Variants in CFAP58 observed in about 807,000 individuals in gnomAD.
CFAP58 encodes the protein cilia- and flagella-associated protein 58.
In CFAP58, 88 loss-of-function variants were observed where a neutral mutation model predicts 119.5. The observed-to-expected ratio is 0.74, with a 90% CI of 0.62 to 0.88. The LOEUF (loss-of-function observed/expected upper bound fraction) is 0.88. CFAP58 is among the 40% of genes least tolerant of loss of function. The pLI, the probability that CFAP58 is intolerant of heterozygous loss-of-function variation, is 0.00. For missense variants in CFAP58, 990 were observed against 1,021.2 expected, an observed-to-expected ratio of 0.97 and a Z score of 0.42; for synonymous variants, 365 against 366.3, an observed-to-expected ratio of 1.00 and a Z score of 0.04.
rs558352798 is a variant in CFAP58 at position 104,443,270 on chromosome 10, A to C, written c.2257-4428A>C. Among the ~76,000 whole-genome samples, 4 of 152,362 alleles carry C rather than the reference A, an allele frequency of 2.6e-5. No individual in the cohort carries two copies. The East Asian group carries it at 7.7e-4, about 29-fold the overall frequency. ...AAGCAGTGGTTATTGAATAAAAAAA[A>C]TCAACATTATCTTGAACCCATTGGG... On this transcript the variant is annotated intron_variant, in intron 15 of 17. Transcript: ENST00000369704.
intron 15 of CFAP58, among the ~76,000 whole-genome samples, chr10:104,438,822 A>C (rs1179349559): frequency 6.6e-6 from 1 of 152,242 alleles, no homozygotes; most frequent in Non-Finnish European, 1.5e-5. Context: ...GGGAACATGC[A>C]CAAGAATGTT....
At chr10:104,379,368 T>C (rs2011735304) in intron 8 of CFAP58, among the ~76,000 whole-genome samples, 1 of 152,274 alleles carries the variant, frequency 6.6e-6, no homozygotes, top group South Asian at 2.1e-4. Flanking sequence ...GGCTGAATGC[T>C]ATTCCACTGT....
chr10:104,381,160 AACAAACAAACAAACAG>A (rs1422449488), intron 9 of CFAP58, among the ~76,000 whole-genome samples: 2 of 152,100 alleles, frequency 1.3e-5, no homozygotes, highest in Non-Finnish European at 1.5e-5. Context: ...AAAACAAACA[AACAAACAAACAAACAG>A]ACAAACAAAC....
At chr10:104,425,219 T>C (rs1320314448) in intron 15 of CFAP58, among the ~76,000 whole-genome samples, 1 of 152,094 alleles carries the variant, frequency 6.6e-6, no homozygotes, top group Admixed American at 6.5e-5. Flanking sequence ...GGCAGAATAA[T>C]AGAATGCTTT....
intron 16 of CFAP58, among the ~76,000 whole-genome samples, chr10:104,448,623 A>G (rs2013147139): frequency 6.6e-6 from 1 of 152,178 alleles, no homozygotes; most frequent in South Asian, 2.1e-4. Context: ...GGTAAAATAT[A>G]TGCCACCCTA....
the CFAP58 span, among the ~76,000 whole-genome samples, chr10:104,339,183 C>A: frequency 2.0e-5 from 3 of 152,212 alleles, no homozygotes; most frequent in Non-Finnish European, 1.5e-5. Context: ...AGCCACCGCG[C>A]CCGACTTTTA....
At position 104,407,657 on chromosome 10, in the gene CFAP58, G is replaced by A. The variant is rs72825890; in HGVS notation, c.2256+864G>A. ...GTAACATGGTGTCTAATAAATATTAGCAATTATTCATGTTACTTTGGATTC... is the reference window on the plus strand; with the variant it reads ...GTAACATGGTGTCTAATAAATATTAACAATTATTCATGTTACTTTGGATTC... On this transcript the variant is annotated intron_variant, in intron 15 of 17. Transcript: ENST00000369704. Among the ~76,000 whole-genome samples the A allele has an allele frequency of 3.9e-3, 587 of 152,208 alleles. 2 individuals are homozygous for A. The highest frequency in any genetic ancestry group is 6.1e-3 in the Non-Finnish European group (415 of 67,996).
Position 104,358,372 on chromosome 10 carries a change from C to T in CFAP58, c.41C>T (p.Ser14Phe). The T allele has an allele frequency of 1.2e-6, 2 of 1,613,320 alleles. No homozygotes were observed. The highest frequency in any genetic ancestry group is 1.7e-6 in the Non-Finnish European group (2 of 1,179,612). Residue 14 changes from serine to phenylalanine, a missense_variant, in exon 2 of 18, where the codon TCT becomes TTT. Physicochemically the swap from Ser to Phe is radical, Grantham distance 155 (BLOSUM62 -2). Transcript: ENST00000369704. ...EKGGKQVLEE[S>F]AFEEMERDFQ... ...GGTGGAAAGCAAGTCCTGGAAGAAT[C>T]TGCATTTGAAGAAATGGAAAGAGAT... is the stretch of plus-strand genomic sequence containing the variant.
intron 7 of CFAP58, among the ~76,000 whole-genome samples, chr10:104,372,077 G>T (rs2014831049): frequency 6.6e-6 from 1 of 152,188 alleles, no homozygotes; most frequent in African/African-American, 2.4e-5. Flanking sequence ...TTAAGGCAAA[G>T]CACGGTGTCT....
intron 15 of CFAP58, among the ~76,000 whole-genome samples, chr10:104,410,359 T>C (rs1589926222): frequency 1.3e-5 from 2 of 152,382 alleles, no homozygotes; most frequent in Admixed American, 6.5e-5. Context: ...TATTTCTACA[T>C]ATCTCCAATT....
intron 12 of CFAP58, among the ~76,000 whole-genome samples, chr10:104,399,926 G>C (rs913672406): frequency 1.3e-5 from 2 of 151,990 alleles, no homozygotes; most frequent in Non-Finnish European, 2.9e-5. Flanking sequence ...AAAACAATTT[G>C]GGAGATAGAA....
At chr10:104,433,988 A>G (rs941103579) in intron 15 of CFAP58, among the ~76,000 whole-genome samples, 2 of 152,180 alleles carry the variant, frequency 1.3e-5, no homozygotes, top group Admixed American at 1.3e-4. Context: ...TTTGCTTTGC[A>G]AACTATTGGA....
At chr10:104,372,467 C>G (rs1357238887) in intron 7 of CFAP58, among the ~76,000 whole-genome samples, 1 of 152,140 alleles carries the variant, frequency 6.6e-6, no homozygotes, top group African/African-American at 2.4e-5. Context: ...GATGCAGTTC[C>G]AGCTTATCTC....
intron 7 of CFAP58, 56 bp from the exon 8 acceptor site, chr10:104,376,755 A>G: frequency 7.1e-7 from 1 of 1,413,684 alleles, no homozygotes; most frequent in Non-Finnish European, 9.9e-7. Context: ...CGGCTTTTGT[A>G]GATTCTCTTA....
At chr10:104,355,504 G>A (rs1348544591) in intron 1 of CFAP58, among the ~76,000 whole-genome samples, 1 of 152,030 alleles carries the variant, frequency 6.6e-6, no homozygotes, top group African/African-American at 2.4e-5. Flanking sequence ...CAACTTTCTC[G>A]ATTCTGCTTT....
chr10:104,438,103 A>G (rs1255825160), intron 15 of CFAP58, among the ~76,000 whole-genome samples: 1 of 152,154 alleles, frequency 6.6e-6, no homozygotes, highest in African/African-American at 2.4e-5. Flanking sequence ...TAACATTGAG[A>G]TGCCATTTTA....
intron 15 of CFAP58, among the ~76,000 whole-genome samples, chr10:104,446,638 A>G (rs891840739): frequency 2.0e-5 from 3 of 152,254 alleles, no homozygotes; most frequent in African/African-American, 7.2e-5. Context: ...GCTTACCACA[A>G]TTATCTTAAG....
At chr10:104,378,284 A>G (rs1415395801) in intron 8 of CFAP58, among the ~76,000 whole-genome samples, 3 of 152,224 alleles carry the variant, frequency 2.0e-5, no homozygotes, top group Non-Finnish European at 4.4e-5. Context: ...ACATGAATAT[A>G]TTTTGATTCT....
intron 15 of CFAP58, among the ~76,000 whole-genome samples, chr10:104,427,947 C>T (rs998186686): frequency 1.4e-4 from 22 of 152,168 alleles, no homozygotes; most frequent in African/African-American, 5.3e-4. Flanking sequence ...GAGAAACTGG[C>T]TGTTGTGTGA....
Sources: gnomAD v4.1 joint callset for allele counts (sites outside exome capture counted in the v4.1 genomes callset) on GRCh38, gnomAD v4.1.1 for gene constraint, MANE v1.5 for transcripts, NCBI Gene and HGNC (gene_info 2026-07-23, HGNC 2026-07-21) for gene names.